NPL: variants seen among roughly 807,000 people sequenced by gnomAD.
The protein encoded by NPL is N-acetylneuraminate pyruvate lyase.
In NPL, 32 loss-of-function variants were observed where a neutral mutation model predicts 41.1. The observed-to-expected ratio is 0.78, with a 90% CI of 0.59 to 1.05. The LOEUF is 1.05. NPL is among the 50% of genes least tolerant of loss of function. NPL has a pLI of 0.00. For missense variants in NPL, 321 were observed against 378.4 expected, an observed-to-expected ratio of 0.85 and a Z score of 1.26; for synonymous variants, 128 against 134.9, an observed-to-expected ratio of 0.95 and a Z score of 0.35.
chr1:182,803,313 T>A (rs191286020), intron 3 of NPL, among the ~76,000 whole-genome samples: 51 of 152,354 alleles, frequency 3.3e-4, no homozygotes, highest in East Asian at 1.7e-3. Flanking sequence ...AGTTCTCATT[T>A]AACCATGTCT....
At chr1:182,813,316 T>C (rs1050671581) in intron 6 of NPL, among the ~76,000 whole-genome samples, 31 of 152,308 alleles carry the variant, frequency 2.0e-4, no homozygotes, top group Non-Finnish European at 3.8e-4. Flanking sequence ...TTTTGTTTGA[T>C]TGTTTTGGCT....
intron 11 of NPL, among the ~76,000 whole-genome samples, chr1:182,824,430 C>T (rs1667574682): frequency 6.6e-6 from 1 of 152,100 alleles, no homozygotes; most frequent in Non-Finnish European, 1.5e-5. Context: ...TCAGTTAAAA[C>T]AAATATGTTA....
intron 5 of NPL, among the ~76,000 whole-genome samples, chr1:182,807,022 T>C (rs948946139): frequency 3.3e-5 from 5 of 152,138 alleles, no homozygotes; most frequent in Non-Finnish European, 7.4e-5. Flanking sequence ...GTATTTTTAA[T>C]AGAGATGGGG....
At chr1:182,792,478 C>T (rs2102522702) in intron 2 of NPL, among the ~76,000 whole-genome samples, 192 bp downstream of exon 2, 1 of 152,278 alleles carries the variant, frequency 6.6e-6, no homozygotes, top group East Asian at 1.9e-4. Context: ...AACATCCCTC[C>T]AGTGGGGAGA....
In NPL at chr1:182,818,528, T is replaced by G. The variant is rs746400273; in HGVS notation, c.458-13T>G. The G allele has an allele frequency of 6.2e-7, 1 of 1,613,664 alleles. No individual in the cohort carries two copies. Among genetic ancestry groups the G allele is most frequent in the African/African-American group, 1.3e-5 (1 of 74,938 alleles). On this transcript the variant is annotated splice_polypyrimidine_tract_variant and intron_variant, in intron 8 of 12. Coordinates refer to ENST00000367553, the MANE Select transcript of NPL (RefSeq NM_030769.3). ...GATGTGCAGATTAATGAGGCACTTA[T>G]TATTTTGAGCAGTTCGTGCTGAGGA...
At chr1:182,827,881 G>A (rs1174835850) in intron 12 of NPL, among the ~76,000 whole-genome samples, 1 of 152,142 alleles carries the variant, frequency 6.6e-6, no homozygotes, top group African/African-American at 2.4e-5. Flanking sequence ...AGGTTGTAAG[G>A]TGCCCTATCA....
intron 5 of NPL, 166 bp downstream of exon 5, chr1:182,806,398 G>A: frequency 1.3e-6 from 2 of 1,542,618 alleles, no homozygotes; most frequent in Non-Finnish European, 1.7e-6. Flanking sequence ...TTGGAGAAGA[G>A]CCCCCTCCCT....
At chr1:182,809,525 G>C (rs1310245248) in intron 5 of NPL, among the ~76,000 whole-genome samples, 1 of 149,190 alleles carries the variant, frequency 6.7e-6, no homozygotes, top group East Asian at 2.0e-4. Flanking sequence ...GGGCGACAGA[G>C]TGAGACTCCA....
At chr1:182,822,798 G>A (rs2102566171) in intron 11 of NPL, among the ~76,000 whole-genome samples, 1 of 152,350 alleles carries the variant, frequency 6.6e-6, no homozygotes, top group East Asian at 1.9e-4. Context: ...TGCTGTGAAT[G>A]TTCCATGGAG....
chr1:182,800,522 A>T (rs1666812810), intron 3 of NPL, among the ~76,000 whole-genome samples: 1 of 151,612 alleles, frequency 6.6e-6, no homozygotes, highest in South Asian at 2.1e-4. Context: ...TACCTATGTA[A>T]CAAATGTGGT....
chr1:182,805,670 T>C (rs1283634761), intron 4 of NPL, among the ~76,000 whole-genome samples: 1 of 152,210 alleles, frequency 6.6e-6, no homozygotes, highest in Non-Finnish European at 1.5e-5. Context: ...TTATGAAATA[T>C]TTATCTAAAA....
Position 182,814,807 on chromosome 1 carries a change from G to A in NPL, c.313G>A (p.Ala105Thr). The A allele has an allele frequency of 6.2e-7, 1 of 1,614,082 alleles. No individual in the cohort carries two copies. The highest frequency in any genetic ancestry group is 2.2e-5 in the East Asian group (1 of 44,882). The change falls in exon 7 of 13, where the codon GCT becomes ACT. Residue 105 changes from alanine to threonine, a missense_variant. Physicochemically the swap from Ala to Thr is moderately conservative, Grantham distance 58. Coordinates refer to ENST00000367553, the MANE Select transcript of NPL (RefSeq NM_030769.3). ...GGCCCAACATGCAGCAGAAATAGGA[G>A]CTGATGGCATCGCTGTCATTGCACC... ...ELAQHAAEIG[A>T]DGIAVIAPFF...
chr1:182,806,003 G>A, intron 4 of NPL, 142 bp from the exon 5 acceptor site: 5 of 923,320 alleles, frequency 5.4e-6, no homozygotes, highest in Non-Finnish European at 8.6e-6. Context: ...AAAAGATGGA[G>A]TCTGAAGTGA....
chr1:182,819,665 T>A (rs1303207296), intron 10 of NPL, among the ~76,000 whole-genome samples: 1 of 152,060 alleles, frequency 6.6e-6, no homozygotes, highest in Admixed American at 6.6e-5. Flanking sequence ...GAAGCATCTG[T>A]TGCAGTTACG....
At chr1:182,800,209 G>A (rs1248427527) in intron 3 of NPL, among the ~76,000 whole-genome samples, 1 of 152,046 alleles carries the variant, frequency 6.6e-6, no homozygotes, top group African/African-American at 2.4e-5. Context: ...GCCGAGGCAG[G>A]CAGATTGCTT....
chr1:182,807,598 C>T (rs1049380434), intron 5 of NPL, among the ~76,000 whole-genome samples: 3 of 151,222 alleles, frequency 2.0e-5, no homozygotes, highest in Non-Finnish European at 4.4e-5. Context: ...CAGTACTGGC[C>T]GGGCATGGTG....
intron 6 of NPL, among the ~76,000 whole-genome samples, chr1:182,814,033 G>C (rs528050515): frequency 1.3e-5 from 2 of 152,192 alleles, no homozygotes; most frequent in Non-Finnish European, 1.5e-5. Flanking sequence ...CAGAAGGAAG[G>C]CCCTTTTCCC....
At chr1:182,798,941 G>C (rs1490680241) in intron 3 of NPL, among the ~76,000 whole-genome samples, 6 of 152,156 alleles carry the variant, frequency 3.9e-5, no homozygotes, top group Non-Finnish European at 4.4e-5. Context: ...AATGCTGAGA[G>C]ATATGTATAA....
intron 3 of NPL, among the ~76,000 whole-genome samples, chr1:182,798,074 A>G (rs1307787595): frequency 6.6e-6 from 1 of 152,180 alleles, no homozygotes; most frequent in Non-Finnish European, 1.5e-5. Flanking sequence ...GACAACAGCT[A>G]TGTGAGGGAG....
Sources: allele counts gnomAD v4.1 joint callset (sites outside exome capture counted in the v4.1 genomes callset), GRCh38; gene constraint gnomAD v4.1.1; transcripts MANE v1.5; gene names NCBI Gene and HGNC (gene_info 2026-07-23, HGNC 2026-07-21).